The following CRYBG1 variants were observed in gnomAD, a reference collection of about 807,000 sequenced individuals.
CRYBG1 encodes crystallin beta-gamma domain containing 1.
Under a neutral mutation model 189.2 loss-of-function variants are expected in CRYBG1, and 139 were observed. The observed-to-expected ratio is 0.73, with a 90% CI of 0.64 to 0.85. CRYBG1 has a LOEUF of 0.85. Among genes scored for constraint, CRYBG1 ranks in the 40% least tolerant of loss-of-function variants. The pLI is 0.00. For synonymous variants in CRYBG1, 1,023 were observed against 1,017.1 expected, an observed-to-expected ratio of 1.01 and a Z score of -0.11; for missense variants, 2,611 against 2,675.8, an observed-to-expected ratio of 0.98 and a Z score of 0.53.
intron 18 of CRYBG1, 51 bp from the exon 19 acceptor site, chr6:106,560,752 G>A: frequency 6.3e-7 from 1 of 1,575,520 alleles, no homozygotes; most frequent in Non-Finnish European, 8.6e-7. Flanking sequence ...TGTAATTGGG[G>A]TCCACTGTCA....
Position 106,511,449 on chromosome 6 carries a change from A to G in CRYBG1, c.332A>G (p.Glu111Gly), listed in dbSNP as rs550335590. ...IFKKSRAQPP[E>G]DNRRKPVLGK... Reference sequence around the variant, plus strand: ...TTTCAGTCCAGAGCACAACCTCCAGAAGACAACAGAAGGAAGCCAGTTTTG... The same window carrying G: ...TTTCAGTCCAGAGCACAACCTCCAGGAGACAACAGAAGGAAGCCAGTTTTG... Residue 111 changes from glutamate to glycine, a missense_variant, in exon 3 of 22, where the codon GAA (glutamate) becomes GGA (glycine). By Grantham distance (98) the Glu-to-Gly change is moderately conservative. Coordinates refer to ENST00000633556, the MANE Select transcript of CRYBG1 (RefSeq NM_001371242.2). 8.5e-5 allele frequency: 131 copies of G among 1,535,768 alleles called. 2 individuals carry two copies. The South Asian group carries it at 1.4e-3, about 16-fold the overall frequency.
At chr6:106,450,599 CACA>C (rs1562310554) in intron 1 of CRYBG1, among the ~76,000 whole-genome samples, 1 of 152,218 alleles carries the variant, frequency 6.6e-6, no homozygotes, top group East Asian at 1.9e-4. Flanking sequence ...TATTATCTAA[CACA>C]ACAAGAACTC....
intron 2 of CRYBG1, among the ~76,000 whole-genome samples, chr6:106,470,129 AAC>A (rs1772200806): frequency 6.6e-6 from 1 of 152,170 alleles, no homozygotes; most frequent in South Asian, 2.1e-4. Flanking sequence ...TAAGCTGGTA[AAC>A]ACAAGGTTCT....
chr6:106,533,204 C>G (rs1259563942), intron 8 of CRYBG1, among the ~76,000 whole-genome samples: 1 of 152,114 alleles, frequency 6.6e-6, no homozygotes, highest in Non-Finnish European at 1.5e-5. Flanking sequence ...GGGAGTCTGC[C>G]CTGGAGCTAG....
At chr6:106,427,466 T>G (rs1434854970) in intron 1 of CRYBG1, among the ~76,000 whole-genome samples, 1 of 152,142 alleles carries the variant, frequency 6.6e-6, no homozygotes, top group African/African-American at 2.4e-5. Context: ...CCACCTTCAT[T>G]CTGTCAGTAT....
chr6:106,367,987 G>T (rs1047243898), intron 1 of CRYBG1, among the ~76,000 whole-genome samples: 1 of 152,056 alleles, frequency 6.6e-6, no homozygotes, highest in African/African-American at 2.4e-5. Context: ...CATCTTTTTT[G>T]TAAGCTGAGA....
intron 15 of CRYBG1, 36 bp downstream of exon 15, chr6:106,552,252 A>G (rs773847992): frequency 7.3e-7 from 1 of 1,360,980 alleles, no homozygotes; most frequent in South Asian, 1.4e-5. Flanking sequence ...TTAATATATA[A>G]AGGGCCTTCC....
At position 106,360,894 on chromosome 6, in the gene CRYBG1, G is replaced by T. The variant is rs756074437; in HGVS notation, c.-15G>T. ...GACCGCGTCCCGGCAGTCGGAGCGG[G>T]AGGAGGACAAGACGATGCCGCTGTC... On this transcript the variant is annotated 5_prime_UTR_variant, in exon 1 of 22. Transcript: ENST00000633556. 9.3e-5 allele frequency: 142 copies of T among 1,524,408 alleles called. No homozygotes were observed. The highest frequency in any genetic ancestry group is 1.4e-4 in the Admixed American group (7 of 49,672). 94.4% of individuals were successfully genotyped at this position (1,524,408 alleles called of 1,614,324 possible).
At chr6:106,406,175 A>C (rs1275306261) in intron 1 of CRYBG1, among the ~76,000 whole-genome samples, 2 of 152,204 alleles carry the variant, frequency 1.3e-5, no homozygotes, top group African/African-American at 2.4e-5. Flanking sequence ...AGTTAAGAGA[A>C]GAACATAAAT....
chr6:106,460,312 T>TCAAG (rs1771984745), intron 2 of CRYBG1, among the ~76,000 whole-genome samples: 1 of 152,192 alleles, frequency 6.6e-6, no homozygotes, highest in African/African-American at 2.4e-5. Flanking sequence ...TTTTGTACAC[T>TCAAG]TATTGGCCAC....
intron 8 of CRYBG1, among the ~76,000 whole-genome samples, chr6:106,531,408 GCT>G (rs1484921113): frequency 6.6e-6 from 1 of 152,154 alleles, no homozygotes; most frequent in Non-Finnish European, 1.5e-5. Context: ...TATTAGACTT[GCT>G]CTCTGTTATT....
intron 1 of CRYBG1, among the ~76,000 whole-genome samples, chr6:106,435,668 C>G (rs1771440625): frequency 6.6e-6 from 1 of 152,060 alleles, no homozygotes; most frequent in Non-Finnish European, 1.5e-5. Flanking sequence ...GTGGCGTGAT[C>G]TTAGCCCACT....
chr6:106,426,001 T>C (rs946018757), intron 1 of CRYBG1, among the ~76,000 whole-genome samples: 3 of 152,220 alleles, frequency 2.0e-5, no homozygotes, highest in Non-Finnish European at 4.4e-5. Flanking sequence ...CTTGCAATCC[T>C]ACTGTATTTC....
At chr6:106,554,087 G>A (rs1774473474) in intron 16 of CRYBG1, among the ~76,000 whole-genome samples, 2 of 152,134 alleles carry the variant, frequency 1.3e-5, no homozygotes, top group African/African-American at 4.8e-5. Context: ...GGGCTCAATT[G>A]TTTCATGCTG....
chr6:106,422,428 G>A (rs962605216), intron 1 of CRYBG1, among the ~76,000 whole-genome samples: 1 of 151,136 alleles, frequency 6.6e-6, no homozygotes, highest in African/African-American at 2.4e-5. Flanking sequence ...ACCTCCCCAA[G>A]CTCAGGTGAT....
Position 106,512,098 on chromosome 6 carries a change from G to A in CRYBG1, c.981G>A (p.Gly327=), listed in dbSNP as rs1204229214. The part of the protein sequence containing the change: ...PSVCAEEGSL[G]PRNARSQPPK... ...TGTGTGCCGAAGAAGGCTCCCTGGG[G>A]CCCCGCAACGCCCGCAGCCAGCCCC... The change falls in exon 3 of 22, where the codon GGG becomes GGA. Residue 327 remains glycine (G), a synonymous_variant. Transcript: ENST00000633556. The A allele has an allele frequency of 2.6e-5, 40 of 1,534,240 alleles. No homozygotes were observed. Among genetic ancestry groups the A allele is most frequent in the Non-Finnish European group, 3.5e-5 (40 of 1,146,220 alleles).
intron 1 of CRYBG1, among the ~76,000 whole-genome samples, chr6:106,426,054 C>G (rs1165986786): frequency 6.6e-6 from 1 of 152,206 alleles, no homozygotes; most frequent in African/African-American, 2.4e-5. Context: ...CTCCTCAAAA[C>G]TGTAAACATC....
At chr6:106,402,598 T>G (rs570099468) in intron 1 of CRYBG1, among the ~76,000 whole-genome samples, 33 of 147,472 alleles carry the variant, frequency 2.2e-4, no homozygotes, top group Admixed American at 2.0e-3. Flanking sequence ...TAGCCATATG[T>G]AGAAAGCTGA....
intron 2 of CRYBG1, among the ~76,000 whole-genome samples, chr6:106,502,138 T>A (rs575256903): frequency 1.4e-4 from 21 of 152,328 alleles, no homozygotes; most frequent in African/African-American, 4.8e-4. Context: ...TCCCCCAACT[T>A]AATCACCATC....
Sources: gnomAD v4.1 joint callset for allele counts (sites outside exome capture counted in the v4.1 genomes callset) on GRCh38, gnomAD v4.1.1 for gene constraint, MANE v1.5 for transcripts, NCBI Gene and HGNC (gene_info 2026-07-23, HGNC 2026-07-21) for gene names.